Variants in DGKB observed in about 807,000 individuals in gnomAD.
The protein encoded by DGKB is 90 kDa diacylglycerol kinase.
Under a neutral mutation model 114.3 loss-of-function variants are expected in DGKB, and 67 were observed. The ratio of observed to expected loss-of-function variants is 0.59; its 90% CI spans 0.48 to 0.72. The LOEUF is 0.72. DGKB is among the 30% of genes least tolerant of loss of function. DGKB has a pLI of 0.00. For missense variants in DGKB, 907 were observed against 975.2 expected (o/e 0.93, Z 0.93); for synonymous variants, 398 against 323.1 (o/e 1.23, Z -2.49).
intron 7 of DGKB, among the ~76,000 whole-genome samples, chr7:14,700,131 C>T (rs1256608966): frequency 6.6e-6 from 1 of 151,060 alleles, no homozygotes; most frequent in Non-Finnish European, 1.5e-5. Context: ...ATAAAATGAG[C>T]AAATTTATTA....
intron 21 of DGKB, among the ~76,000 whole-genome samples, chr7:14,432,713 G>T (rs1828651670): frequency 6.6e-6 from 1 of 152,152 alleles, no homozygotes. Context: ...TGGTTTCCAT[G>T]TTGGCCTTCA....
At chr7:14,427,100 T>TC (rs1479923101) in intron 21 of DGKB, among the ~76,000 whole-genome samples, 1 of 149,398 alleles carries the variant, frequency 6.7e-6, no homozygotes, top group African/African-American at 2.5e-5. Flanking sequence ...TGTCAGGGAG[T>TC]GGGGGGTGGG....
intron 20 of DGKB, among the ~76,000 whole-genome samples, chr7:14,539,997 T>C (rs1363440301): frequency 6.6e-6 from 1 of 152,036 alleles, no homozygotes; most frequent in Admixed American, 6.6e-5. Flanking sequence ...GAGCATGTTT[T>C]TCTCATTTAT....
intron 2 of DGKB, among the ~76,000 whole-genome samples, chr7:14,769,633 G>T (rs1248506804): frequency 6.6e-6 from 1 of 152,018 alleles, no homozygotes; most frequent in African/African-American, 2.4e-5. Flanking sequence ...CAAACCTGGT[G>T]ATTTAAAACT....
At position 14,643,898 on chromosome 7, in the gene DGKB, T is replaced by A. The variant is rs561323676; in HGVS notation, c.1135-13630A>T. Reference sequence around the variant, plus strand: ...AAGCCCAAAAAACTGACCTCTCCAATAGTGGGGCTGCTGCGCACCTTTGCA... The same window carrying A: ...AAGCCCAAAAAACTGACCTCTCCAAAAGTGGGGCTGCTGCGCACCTTTGCA... On this transcript the variant is annotated intron_variant, in intron 13 of 25. Coordinates refer to ENST00000402815, the MANE Select transcript of DGKB (RefSeq NM_001350709.2). Among the ~76,000 whole-genome samples, 33 of 152,208 alleles carry A rather than the reference T, an allele frequency of 2.2e-4. No individual in the cohort carries two copies. The South Asian group carries it at 6.6e-3, about 31-fold the overall frequency.
At chr7:14,965,784 C>T (rs918613697) in intron 1 of DGKB, among the ~76,000 whole-genome samples, 1 of 152,192 alleles carries the variant, frequency 6.6e-6, no homozygotes, top group East Asian at 1.9e-4. Flanking sequence ...TCAAAAATGA[C>T]ATGTTTGGCC....
chr7:14,923,474 T>C (rs1249547449), intron 1 of DGKB, among the ~76,000 whole-genome samples: 2 of 152,234 alleles, frequency 1.3e-5, no homozygotes, highest in Non-Finnish European at 2.9e-5. Context: ...TCTGTTTCCT[T>C]ATTTGTAGAA....
At chr7:14,442,642 A>G (rs1830229357) in intron 21 of DGKB, among the ~76,000 whole-genome samples, 1 of 152,144 alleles carries the variant, frequency 6.6e-6, no homozygotes. Flanking sequence ...TTCTATAATA[A>G]TTCTGTTGTA....
chr7:14,680,797 A>C (rs183753667), intron 12 of DGKB, among the ~76,000 whole-genome samples: 1 of 152,052 alleles, frequency 6.6e-6, no homozygotes, highest in Admixed American at 6.6e-5. Context: ...AACAGCTTTG[A>C]AAGCTTTTCC....
chr7:14,631,124 CCCTT>C (rs1286204122), intron 13 of DGKB, among the ~76,000 whole-genome samples: 1 of 151,468 alleles, frequency 6.6e-6, no homozygotes, highest in Non-Finnish European at 1.5e-5. Flanking sequence ...AGTCAGAATT[CCCTT>C]TTCCTCCCTA....
intron 1 of DGKB, among the ~76,000 whole-genome samples, chr7:14,933,149 C>G (rs1378440305): frequency 6.6e-6 from 1 of 152,192 alleles, no homozygotes; most frequent in East Asian, 1.9e-4. Flanking sequence ...GAGGCACTAA[C>G]TACCAGAATT....
chr7:14,842,221 GTTTA>G (rs1443177937), intron 1 of DGKB, among the ~76,000 whole-genome samples: 1 of 152,174 alleles, frequency 6.6e-6, no homozygotes, highest in Admixed American at 6.5e-5. Context: ...TCATTGCAAG[GTTTA>G]TTTATACAGA....
At chr7:14,643,817 C>T (rs1476390928) in intron 13 of DGKB, among the ~76,000 whole-genome samples, 1 of 152,142 alleles carries the variant, frequency 6.6e-6, no homozygotes, top group Non-Finnish European at 1.5e-5. Context: ...GCCAGTGCCC[C>T]AATGTGTGCC....
chr7:14,649,477 C>A (rs961506405), intron 13 of DGKB, among the ~76,000 whole-genome samples: 9 of 151,614 alleles, frequency 5.9e-5, no homozygotes, highest in Admixed American at 2.6e-4. Context: ...GCCTGCCTTA[C>A]AAGAGCTCCT....
intron 2 of DGKB, among the ~76,000 whole-genome samples, chr7:14,834,132 C>T (rs1846814757): frequency 6.6e-6 from 1 of 152,032 alleles, no homozygotes; most frequent in Admixed American, 6.6e-5. Flanking sequence ...TAAACCATCA[C>T]TGAGTTAAGG....
At chr7:14,598,581 A>G (rs1273909920) in intron 17 of DGKB, among the ~76,000 whole-genome samples, 1 of 152,218 alleles carries the variant, frequency 6.6e-6, no homozygotes, top group Admixed American at 6.5e-5. Flanking sequence ...AATATTTCAC[A>G]CAGATTATGT....
Position 14,623,305 on chromosome 7 carries a change from T to C in DGKB, c.1168-1811A>G, listed in dbSNP as rs868023270. 7.2e-5 allele frequency among the ~76,000 whole-genome samples: 11 copies of C among 152,290 alleles called. No homozygotes were observed. In the South Asian group the frequency reaches 2.3e-3, roughly 32 times the overall value. On this transcript the variant is annotated intron_variant, in intron 14 of 25. Transcript: ENST00000402815. The stretch of plus-strand genomic sequence containing the variant: ...TCAGCTATATATATTTCCTAGTTCC[T>C]ATATTTGCTTGTTAGAGTACCATTT...
intron 20 of DGKB, among the ~76,000 whole-genome samples, chr7:14,570,400 A>G (rs760431662): frequency 1.2e-4 from 18 of 152,132 alleles, no homozygotes; most frequent in Non-Finnish European, 2.6e-4. Context: ...AATACAATTG[A>G]CCCCTGAACA....
At chr7:14,847,246 G>A (rs966935800) in intron 1 of DGKB, among the ~76,000 whole-genome samples, 2 of 148,474 alleles carry the variant, frequency 1.3e-5, no homozygotes, top group African/African-American at 5.0e-5. Context: ...AGCCGAGATG[G>A]CGCCACTGCA....
Sources: allele counts gnomAD v4.1 joint callset (sites outside exome capture counted in the v4.1 genomes callset), GRCh38; gene constraint gnomAD v4.1.1; transcripts MANE v1.5; gene names NCBI Gene and HGNC (gene_info 2026-07-23, HGNC 2026-07-21).